Variants in KIAA1217 observed in about 807,000 individuals in gnomAD.
KIAA1217 encodes sickle tail protein homolog.
KIAA1217 carries 88 observed loss-of-function variants against 163.9 expected under a neutral mutation model. That is an observed-to-expected ratio of 0.54 (90% confidence interval 0.45 to 0.64). The LOEUF is 0.64. KIAA1217 is among the 30% of genes least tolerant of loss of function. KIAA1217 has a pLI of 0.00. For missense variants in KIAA1217, 2,372 were observed against 2,475.0 expected (o/e 0.96, Z 0.88); for synonymous variants, 903 against 923.1 (o/e 0.98, Z 0.39).
chr10:24,176,766 C>T (rs370882213), intron 2 of KIAA1217, among the ~76,000 whole-genome samples: 92 of 152,332 alleles, frequency 6.0e-4, no homozygotes, highest in African/African-American at 1.9e-3. Context: ...GACTAGGCAC[C>T]GCGGAGCGGG....
At chr10:24,294,523 C>T (rs964269530) in intron 2 of KIAA1217, among the ~76,000 whole-genome samples, 4 of 152,146 alleles carry the variant, frequency 2.6e-5, no homozygotes, top group African/African-American at 9.7e-5. Flanking sequence ...AAGTTAATGG[C>T]AGTTAGCTAC....
chr10:23,941,631 A>C (rs1843772446), intron 1 of KIAA1217, among the ~76,000 whole-genome samples: 1 of 152,138 alleles, frequency 6.6e-6, no homozygotes, highest in African/African-American at 2.4e-5. Context: ...GAGTGCACAT[A>C]TTTGCATAAA....
chr10:24,450,384 T>A (rs943587719), intron 5 of KIAA1217, among the ~76,000 whole-genome samples: 3 of 152,258 alleles, frequency 2.0e-5, no homozygotes, highest in Admixed American at 6.5e-5. Context: ...AAGCTTGATA[T>A]AACAAATCTC....
In KIAA1217 at chr10:24,268,840, A is replaced by C. The variant is rs1262805781; in HGVS notation, c.354+48931A>C. ...TCCAACAATGATAGACTGGATTAAG[A>C]AAATGTGGCATATATACACCATGGA... On this transcript the variant is annotated intron_variant, in intron 2 of 20. Transcript: ENST00000376454. Among the ~76,000 whole-genome samples, 23 of 137,246 alleles carry C rather than the reference A, an allele frequency of 1.7e-4. No individual in the cohort carries two copies. In the East Asian group the frequency reaches 4.8e-3, roughly 29 times the overall value. 90.0% of individuals were successfully genotyped at this position (137,246 alleles called of 152,430 possible).
chr10:24,069,571 T>A (rs2061104706), intron 2 of KIAA1217, among the ~76,000 whole-genome samples: 1 of 152,170 alleles, frequency 6.6e-6, no homozygotes, highest in African/African-American at 2.4e-5. Flanking sequence ...GAGACATCTC[T>A]CAATCAGATA....
chr10:24,489,913 A>C (rs2065901852), intron 6 of KIAA1217, among the ~76,000 whole-genome samples: 1 of 151,802 alleles, frequency 6.6e-6, no homozygotes, highest in African/African-American at 2.4e-5. Context: ...CATTGGCTAA[A>C]AATCATCCCC....
upstream of KIAA1217, among the ~76,000 whole-genome samples, chr10:24,207,282 T>TCTCTCTCTCACACACACACACACA (rs529791287): frequency 6.4e-5 from 9 of 140,234 alleles, no homozygotes; most frequent in African/African-American, 2.3e-4. Context: ...TCTCTCTCTC[T>TCTCTCTCTCACACACACACACACA]CACACACACA....
At chr10:23,704,264 C>A (rs1198154778) in intron 1 of KIAA1217, among the ~76,000 whole-genome samples, 1 of 129,336 alleles carries the variant, frequency 7.7e-6, no homozygotes, top group African/African-American at 2.9e-5. Context: ...TTCTTTTTTT[C>A]TTTCCTTTCT....
intron 2 of KIAA1217, among the ~76,000 whole-genome samples, chr10:24,175,467 TTA>T: frequency 7.1e-6 from 1 of 140,470 alleles, no homozygotes; most frequent in African/African-American, 2.8e-5. Context: ...GTGTGTGTGT[TTA>T]TTGTTTTTCA....
At chr10:24,059,732 T>A (rs1009847445) in intron 2 of KIAA1217, among the ~76,000 whole-genome samples, 1 of 152,058 alleles carries the variant, frequency 6.6e-6, no homozygotes, top group African/African-American at 2.4e-5. Context: ...CACCCGCCAC[T>A]GCACCCAGGT....
chr10:23,762,028 C>T (rs1399906474), intron 1 of KIAA1217, among the ~76,000 whole-genome samples: 1 of 152,128 alleles, frequency 6.6e-6, no homozygotes, highest in Non-Finnish European at 1.5e-5. Flanking sequence ...TTCCTGGACA[C>T]ATACACACTC....
At chr10:23,810,831 ATATAT>A (rs1239664708) in intron 1 of KIAA1217, among the ~76,000 whole-genome samples, 19 of 124,200 alleles carry the variant, frequency 1.5e-4, no homozygotes, top group Non-Finnish European at 2.4e-4. Flanking sequence ...TATATATACT[ATATAT>A]TATATGGTAT....
chr10:24,291,614 G>A (rs2079097289), intron 2 of KIAA1217, among the ~76,000 whole-genome samples: 1 of 152,176 alleles, frequency 6.6e-6, no homozygotes, highest in Non-Finnish European at 1.5e-5. Flanking sequence ...AAGGCAGTCT[G>A]TGGGGACAGT....
chr10:24,112,955 G>C (rs1402153597), intron 2 of KIAA1217, among the ~76,000 whole-genome samples: 1 of 152,002 alleles, frequency 6.6e-6, no homozygotes, highest in African/African-American at 2.4e-5. Flanking sequence ...AAATAGAGGA[G>C]GCAGGGATTG....
chr10:23,822,122 A>C (rs570481756), intron 1 of KIAA1217, among the ~76,000 whole-genome samples: 70 of 152,048 alleles, frequency 4.6e-4, no homozygotes, highest in African/African-American at 1.6e-3. Context: ...CATTTCCTAA[A>C]CTCAAAACTA....
intron 2 of KIAA1217, among the ~76,000 whole-genome samples, chr10:24,153,543 G>A (rs149948118): frequency 3.9e-4 from 59 of 152,272 alleles, no homozygotes; most frequent in African/African-American, 1.4e-3. Flanking sequence ...TTTATAGAGA[G>A]CCGGAGACCG....
chr10:23,702,666 TACACAC>T lies in KIAA1217; in HGVS notation c.-321+7470_-321+7475del, dbSNP rs377621544. ...TAGTTTACTTAACAGAACAGGAGAATACACACACACACACACACACACACACACACA... is the reference window on the plus strand; with the variant it reads ...TAGTTTACTTAACAGAACAGGAGAATACACACACACACACACACACACACA... On this transcript the variant is annotated intron_variant, in intron 1 of 18. Coordinates refer to the KIAA1217 transcript ENST00000376462. 8.4e-3 allele frequency among the ~76,000 whole-genome samples: 1,128 copies of T among 134,410 alleles called. 15 individuals are homozygous for T. Among genetic ancestry groups the T allele is most frequent in the Middle Eastern group, 0.026 (7 of 266 alleles). 88.2% of individuals were successfully genotyped at this position (134,410 alleles called of 152,430 possible).
intron 1 of KIAA1217, among the ~76,000 whole-genome samples, chr10:23,745,528 T>C (rs1320497994): frequency 6.6e-6 from 1 of 152,240 alleles, no homozygotes; most frequent in East Asian, 1.9e-4. Flanking sequence ...ACATGATGTT[T>C]CCGTGTGTCC....
chr10:24,113,227 A>G (rs2131748859), intron 2 of KIAA1217, among the ~76,000 whole-genome samples: 1 of 152,324 alleles, frequency 6.6e-6, no homozygotes, highest in South Asian at 2.1e-4. Flanking sequence ...ATCTAGGTCC[A>G]CCAGTGGGAA....
Sources: allele counts gnomAD v4.1 joint callset (sites outside exome capture counted in the v4.1 genomes callset), GRCh38; gene constraint gnomAD v4.1.1; transcripts MANE v1.5; gene names NCBI Gene and HGNC (gene_info 2026-07-23, HGNC 2026-07-21).